Variants in MOB1A observed in about 807,000 individuals in gnomAD.
The protein encoded by MOB1A is MOB kinase activator 1A.
A neutral mutation model predicts 25.1 loss-of-function variants in MOB1A; 10 were observed. That is an observed-to-expected ratio of 0.40 (90% CI 0.25 to 0.68). MOB1A has a LOEUF of 0.68. Ranked by LOEUF, MOB1A falls within the 30% of genes least tolerant of loss-of-function variation. MOB1A has a pLI of 0.40. For synonymous variants in MOB1A, 81 were observed against 79.5 expected, an observed-to-expected ratio of 1.02 and a Z score of -0.10; for missense variants, 177 against 256.3, an observed-to-expected ratio of 0.69 and a Z score of 2.11.
intron 2 of MOB1A, among the ~76,000 whole-genome samples, chr2:74,171,432 C>T (rs1050661200): frequency 6.6e-6 from 1 of 152,066 alleles, no homozygotes; most frequent in Non-Finnish European, 1.5e-5. Flanking sequence ...TTTAGACATA[C>T]CTTACTGAAA....
chr2:74,170,085 T>C (rs1693243571), intron 2 of MOB1A, among the ~76,000 whole-genome samples: 1 of 152,208 alleles, frequency 6.6e-6, no homozygotes, highest in Non-Finnish European at 1.5e-5. Flanking sequence ...GGTCAATAAA[T>C]GACTTCAGAA....
At chr2:74,158,872 G>A (rs893272012) in intron 5 of MOB1A, among the ~76,000 whole-genome samples, 2 of 152,002 alleles carry the variant, frequency 1.3e-5, no homozygotes, top group African/African-American at 4.8e-5. Flanking sequence ...ACAGACCTAG[G>A]GTGGCCAGAG....
chr2:74,168,976 C>T (rs2103725993), intron 2 of MOB1A, among the ~76,000 whole-genome samples: 1 of 152,294 alleles, frequency 6.6e-6, no homozygotes, highest in Middle Eastern at 3.4e-3. Context: ...CTCTTACTCT[C>T]TCAAGAGGGC....
At position 74,172,620 on chromosome 2, in the gene MOB1A, C is replaced by T. The variant is rs370328955; in HGVS notation, c.147G>A (p.Glu49=). 7 of 1,613,736 alleles carry T rather than the reference C, an allele frequency of 4.3e-6. No homozygotes were observed. The highest frequency in any genetic ancestry group is 5.1e-6 in the Non-Finnish European group (6 of 1,179,836). Residue 49 remains glutamate (E), a synonymous_variant, in exon 2 of 6, where the codon GAG becomes GAA. Coordinates refer to ENST00000396049, the MANE Select transcript of MOB1A (RefSeq NM_018221.5). ...CAATCCATTCATTGAGATCCTCTCC[C>T]TCAGGCAACATAACAGCTTGTCTCA... is the stretch of plus-strand genomic sequence containing the variant. ...GNLRQAVMLP[E]GEDLNEWIAV...
At chr2:74,164,937 G>A (rs1572959054) in intron 4 of MOB1A, 2 of 186,918 alleles carry the variant, frequency 1.1e-5, no homozygotes, top group East Asian at 2.5e-4. Context: ...CAGGGCTGGG[G>A]GGAGTACATG....
chr2:74,157,050 G>C (rs1268993404), intron 5 of MOB1A, among the ~76,000 whole-genome samples: 1 of 151,174 alleles, frequency 6.6e-6, no homozygotes, highest in Non-Finnish European at 1.5e-5. Context: ...AGTGCTAAGA[G>C]TATCTTGTAT....
At chr2:74,156,982 T>C (rs919397484) in intron 5 of MOB1A, among the ~76,000 whole-genome samples, 2 of 151,326 alleles carry the variant, frequency 1.3e-5, no homozygotes, top group African/African-American at 4.9e-5. Flanking sequence ...GTGATATAAG[T>C]ATTTGGTCTT....
intron 1 of MOB1A, among the ~76,000 whole-genome samples, chr2:74,173,544 CT>C (rs1415498158): frequency 2.0e-5 from 3 of 151,138 alleles, no homozygotes; most frequent in Non-Finnish European, 4.4e-5. Flanking sequence ...CCACACCCAG[CT>C]AATTTTTTTT....
At chr2:74,175,084 C>T (rs1439655925) in intron 1 of MOB1A, among the ~76,000 whole-genome samples, 1 of 152,206 alleles carries the variant, frequency 6.6e-6, no homozygotes, top group Non-Finnish European at 1.5e-5. Context: ...GCTGGCATTA[C>T]CACCTGAGCT....
At chr2:74,166,417 G>A (rs765663742) in intron 3 of MOB1A, among the ~76,000 whole-genome samples, 7 of 152,098 alleles carry the variant, frequency 4.6e-5, no homozygotes, top group African/African-American at 9.7e-5. Context: ...AAAATAAAAT[G>A]TTTGCAATTC....
At position 74,156,660 on chromosome 2, in the gene MOB1A, A is replaced by C. The variant is rs1558829658; in HGVS notation, c.574-15T>G. The C allele has an allele frequency of 6.5e-7, 1 of 1,529,426 alleles. No homozygotes were observed. The highest frequency in any genetic ancestry group is 1.2e-5 in the South Asian group (1 of 82,338). 94.7% of individuals were successfully genotyped at this position (1,529,426 alleles called of 1,614,324 possible). On this transcript the variant is annotated splice_polypyrimidine_tract_variant and intron_variant, in intron 5 of 5. Transcript: ENST00000396049. ...AGATTAAACTCCTAAAAAGAGAAGAAAAATAACAATTAAAAATGGATCTAA... is the reference window on the plus strand; with the variant it reads ...AGATTAAACTCCTAAAAAGAGAAGACAAATAACAATTAAAAATGGATCTAA...
At position 74,172,731 on chromosome 2, in the gene MOB1A, T is replaced by C. The variant is rs1180829935; in HGVS notation, c.36A>G (p.Thr12=). The C allele has an allele frequency of 3.1e-6, 5 of 1,613,726 alleles. No individual in the cohort carries two copies. The highest frequency in any genetic ancestry group is 1.7e-5 in the Admixed American group (1 of 59,956). ...SFLFSSRSSK[T]FKPKKNIPEG... ...CAGGGATATTCTTCTTTGGTTTGAA[T>C]GTTTTAGAAGAGCGGCTGCTGCTGT... The change falls in exon 2 of 6, where the codon ACA becomes ACG. Residue 12 remains threonine (T), a synonymous_variant. Coordinates refer to ENST00000396049, the MANE Select transcript of MOB1A (RefSeq NM_018221.5).
intron 1 of MOB1A, among the ~76,000 whole-genome samples, chr2:74,176,259 G>T (rs1483164001): frequency 9.0e-6 from 1 of 111,548 alleles, no homozygotes; most frequent in Non-Finnish European, 1.7e-5. Flanking sequence ...CTAGGCAACA[G>T]AGTGAGACCC....
At chr2:74,171,575 C>A (rs1282419558) in intron 2 of MOB1A, among the ~76,000 whole-genome samples, 1 of 152,176 alleles carries the variant, frequency 6.6e-6, no homozygotes, top group African/African-American at 2.4e-5. Context: ...ATTCACTGTA[C>A]TTAGTCTACT....
intron 1 of MOB1A, among the ~76,000 whole-genome samples, chr2:74,175,043 G>A (rs1318907268): frequency 2.6e-5 from 4 of 152,208 alleles, no homozygotes; most frequent in African/African-American, 7.2e-5. Flanking sequence ...AAGCAGCAAA[G>A]CTTCATCTGT....
At chr2:74,161,818 G>T (rs1033871688) in intron 4 of MOB1A, among the ~76,000 whole-genome samples, 1 of 151,978 alleles carries the variant, frequency 6.6e-6, no homozygotes, top group South Asian at 2.1e-4. Flanking sequence ...AGCTGGGCGT[G>T]GTGGCACACG....
intron 1 of MOB1A, among the ~76,000 whole-genome samples, chr2:74,173,691 C>T (rs1376437964): frequency 1.3e-5 from 2 of 151,418 alleles, no homozygotes; most frequent in African/African-American, 4.8e-5. Context: ...TGGCTCACGC[C>T]TGTAATCCCA....
At position 74,156,377 on chromosome 2, in the gene MOB1A, T is replaced by C. The variant is rs1692806008; in HGVS notation, c.*191A>G. ...TCACACAGTACTTAAGATTTGGCTG[T>C]GTCCTTAAGGTCTTACTCGGAAACT... On this transcript the variant is annotated 3_prime_UTR_variant, in exon 6 of 6. Transcript: ENST00000396049. The C allele has an allele frequency of 3.4e-6, 2 of 586,946 alleles. No individual in the cohort carries two copies. The highest frequency in any genetic ancestry group is 4.1e-5 in the South Asian group (2 of 48,298). The allele number at this position is 586,946 out of a possible 1,614,324, so 36.4% of individuals were successfully genotyped here. A position where few individuals can be genotyped will look rare whatever the true frequency, so the allele number is the denominator to read the frequency against.
At chr2:74,165,850 A>C (rs1489755338) in intron 3 of MOB1A, among the ~76,000 whole-genome samples, 1 of 152,228 alleles carries the variant, frequency 6.6e-6, no homozygotes, top group Non-Finnish European at 1.5e-5. Flanking sequence ...ACAAAACATC[A>C]CTGTGTAAAG....
Sources: allele counts gnomAD v4.1 joint callset (sites outside exome capture counted in the v4.1 genomes callset), GRCh38; gene constraint gnomAD v4.1.1; transcripts MANE v1.5; gene names NCBI Gene and HGNC (gene_info 2026-07-23, HGNC 2026-07-21).